The following BMP2K variants were observed in gnomAD, a reference collection of about 807,000 sequenced individuals.
BMP2K encodes BMP-2-inducible protein kinase.
In BMP2K, 74 loss-of-function variants were observed where a neutral mutation model predicts 116.0. The ratio of observed to expected loss-of-function variants is 0.64; its 90% CI spans 0.53 to 0.77. The LOEUF (loss-of-function observed/expected upper bound fraction) is 0.77, where lower values mean the gene tolerates loss of function less well. Ranked by LOEUF, BMP2K falls within the 30% of genes least tolerant of loss-of-function variation. The pLI is 0.00. For missense variants in BMP2K, 1,365 were observed against 1,403.6 expected (o/e 0.97, Z 0.44); for synonymous variants, 486 against 502.5 (o/e 0.97, Z 0.44).
At chr4:78,849,030 C>A (rs1433508040) in intron 6 of BMP2K, among the ~76,000 whole-genome samples, 1 of 151,310 alleles carries the variant, frequency 6.6e-6, no homozygotes, top group African/African-American at 2.4e-5. Context: ...AGTACTGATT[C>A]AGAGAGTTAT....
chr4:78,898,452 G>A (rs763359706), intron 15 of BMP2K, among the ~76,000 whole-genome samples: 1 of 151,678 alleles, frequency 6.6e-6, no homozygotes, highest in Non-Finnish European at 1.5e-5. Context: ...AATTAAACTG[G>A]AGAGGTTGGC....
At position 78,910,760 on chromosome 4, in the gene BMP2K, A is replaced by G. The variant is rs1560559701; in HGVS notation, c.2213A>G (p.Asp738Gly). The change falls in exon 16 of 16, where the codon GAT (aspartate) becomes GGT (glycine). Residue 738 changes from aspartate (D) to glycine (G), a missense_variant. Asp to Gly is a moderately conservative substitution (Grantham distance 94). Coordinates refer to ENST00000502613, the MANE Select transcript of BMP2K (RefSeq NM_198892.2). The stretch of plus-strand genomic sequence containing the variant: ...CAGGGTCAAGTGCAAAAGGGGAATG[A>G]TGAATCTGAAAGTGATTTTGAATCA... ...SVQGQVQKGNDESESDFESDP... is the reference protein window; with the variant it reads ...SVQGQVQKGNGESESDFESDP... The G allele has an allele frequency of 1.2e-6, 2 of 1,613,922 alleles. No homozygotes were observed. The highest frequency in any genetic ancestry group is 2.2e-5 in the East Asian group (1 of 44,880).
chr4:78,826,309 C>T (rs1354197835), intron 2 of BMP2K, among the ~76,000 whole-genome samples, 154 bp downstream of exon 2: 1 of 151,046 alleles, frequency 6.6e-6, no homozygotes, highest in Non-Finnish European at 1.5e-5. Context: ...TCAAGCAATT[C>T]TCATGCCTCA....
chr4:78,901,360 C>G (rs996826562), intron 15 of BMP2K, among the ~76,000 whole-genome samples: 2 of 151,998 alleles, frequency 1.3e-5, no homozygotes, highest in Non-Finnish European at 2.9e-5. Flanking sequence ...TGTGCCCAGC[C>G]CAAACTTCTT....
intron 1 of BMP2K, among the ~76,000 whole-genome samples, chr4:78,780,082 G>A (rs1033844996): frequency 6.6e-6 from 1 of 152,164 alleles, no homozygotes; most frequent in Non-Finnish European, 1.5e-5. Context: ...AAAACCTGGG[G>A]TTGGCTTGTT....
intron 3 of BMP2K, among the ~76,000 whole-genome samples, chr4:78,834,918 CTT>C (rs1238395910): frequency 6.6e-6 from 1 of 152,108 alleles, no homozygotes; most frequent in African/African-American, 2.4e-5. Context: ...TTCTTTATAT[CTT>C]ATCTTCTCTA....
intron 11 of BMP2K, 134 bp downstream of exon 11, chr4:78,871,194 T>C (rs1299482868): frequency 4.8e-6 from 7 of 1,451,362 alleles, no homozygotes; most frequent in Admixed American, 2.1e-5. Context: ...AATTTTCTAA[T>C]TATGAAAGAA....
chr4:78,877,012 T>A (rs1732664661), intron 13 of BMP2K, among the ~76,000 whole-genome samples: 1 of 152,134 alleles, frequency 6.6e-6, no homozygotes, highest in African/African-American at 2.4e-5. Context: ...TATCTAAACA[T>A]AGAAAAGGTA....
intron 1 of BMP2K, among the ~76,000 whole-genome samples, chr4:78,818,962 A>C (rs1729490015): frequency 6.6e-6 from 1 of 151,914 alleles, no homozygotes; most frequent in Admixed American, 6.6e-5. Context: ...ATGCCTGGCT[A>C]ATTTTTTGTA....
At chr4:78,866,623 G>C (rs963622526) in intron 10 of BMP2K, among the ~76,000 whole-genome samples, 1 of 152,042 alleles carries the variant, frequency 6.6e-6, no homozygotes, top group Admixed American at 6.6e-5. Flanking sequence ...TAAAGTATAT[G>C]TTCAGGAAAG....
Position 78,912,767 on chromosome 4 carries a change from AT to A in BMP2K, c.*736del, listed in dbSNP as rs1734722019. On this transcript the variant is annotated 3_prime_UTR_variant, in exon 16 of 16. Coordinates refer to ENST00000502613, the MANE Select transcript of BMP2K (RefSeq NM_198892.2). ...ATATAATTTTTGTCAGTTAAAACAA[AT>A]TAAAAAAATGGACTATCGTCGCACA... 1 of 151,380 alleles carries A rather than the reference AT, an allele frequency of 6.6e-6. No individual in the cohort carries two copies. Among genetic ancestry groups the A allele is most frequent in the Non-Finnish European group, 1.5e-5 (1 of 67,920 alleles). 9.4% of individuals were successfully genotyped at this position (151,380 alleles called of 1,614,324 possible). A position where few individuals can be genotyped will look rare whatever the true frequency, so the allele number is the denominator to read the frequency against.
At chr4:78,899,144 A>AC (rs1733866143) in intron 15 of BMP2K, 4 of 152,222 alleles carry the variant, frequency 2.6e-5, no homozygotes, top group Admixed American at 2.0e-4. Context: ...ACATAGTGAG[A>AC]CCCCTTCTCT....
At chr4:78,776,821 C>G (rs866511087) in intron 1 of BMP2K, 100 bp downstream of exon 1, 6 of 1,072,134 alleles carry the variant, frequency 5.6e-6, no homozygotes, top group African/African-American at 3.3e-5. Context: ...CTCTTATACC[C>G]CATTCTTCCT....
chr4:78,824,003 A>G (rs1467281642), intron 1 of BMP2K, among the ~76,000 whole-genome samples: 1 of 152,194 alleles, frequency 6.6e-6, no homozygotes, highest in Non-Finnish European at 1.5e-5. Flanking sequence ...TAATGTTTAC[A>G]TATGAAATTA....
intron 15 of BMP2K, among the ~76,000 whole-genome samples, chr4:78,894,286 A>G (rs1173955057): frequency 6.6e-6 from 1 of 152,214 alleles, no homozygotes; most frequent in Non-Finnish European, 1.5e-5. Context: ...ACTTAACTAT[A>G]GCTCTAAAAG....
Position 78,895,992 on chromosome 4 carries a change from G to T in BMP2K, c.2062+8708G>T, listed in dbSNP as rs113049898. ...GAATAGGCTGATCTTGAATTTCTGG[G>T]TTCAAGCAATCCTGCCTTGGCCTCC... is the stretch of plus-strand genomic sequence containing the variant. On this transcript the variant is annotated intron_variant, in intron 15 of 15. Transcript: ENST00000502613. 1.7e-4 allele frequency among the ~76,000 whole-genome samples: 26 copies of T among 152,174 alleles called. 1 individual carries two copies. The highest frequency in any genetic ancestry group is 6.0e-4 in the African/African-American group (25 of 41,534).
At chr4:78,866,031 G>A (rs1417155125) in intron 10 of BMP2K, among the ~76,000 whole-genome samples, 4 of 152,194 alleles carry the variant, frequency 2.6e-5, no homozygotes, top group East Asian at 3.9e-4. Flanking sequence ...AAAGTTCAAC[G>A]GTATGGAAAA....
At chr4:78,798,558 C>A (rs906269750) in intron 1 of BMP2K, among the ~76,000 whole-genome samples, 5 of 152,152 alleles carry the variant, frequency 3.3e-5, no homozygotes, top group Non-Finnish European at 7.4e-5. Flanking sequence ...TGACTGTTAA[C>A]GGTAGTCTTC....
intron 15 of BMP2K, chr4:78,898,893 G>C (rs1310568310): frequency 6.6e-6 from 1 of 152,156 alleles, no homozygotes; most frequent in South Asian, 2.1e-4. Flanking sequence ...CCAGCTGCTC[G>C]GGAGGCTTAG....
Sources: allele counts gnomAD v4.1 joint callset (sites outside exome capture counted in the v4.1 genomes callset), GRCh38; gene constraint gnomAD v4.1.1; transcripts MANE v1.5; gene names NCBI Gene and HGNC (gene_info 2026-07-23, HGNC 2026-07-21).